Variants in COL5A2 observed in about 807,000 individuals in gnomAD.
COL5A2 encodes the protein collagen type V alpha 2 chain, also known as collagen alpha-2(V) chain.
Under a neutral mutation model 208.2 loss-of-function variants are expected in COL5A2, and 23 were observed. That is an observed-to-expected ratio of 0.11 (90% confidence interval 0.08 to 0.16). The LOEUF is 0.16. COL5A2 is among the 10% of genes least tolerant of loss of function. The pLI is 1.00. For missense variants in COL5A2, 1,590 were observed against 1,956.4 expected (o/e 0.81, Z 3.53); for synonymous variants, 625 against 628.5 (o/e 0.99, Z 0.08).
At chr2:189,440,997 A>C in the COL5A2 span, among the ~76,000 whole-genome samples, 391 of 152,314 alleles carry the variant, frequency 2.6e-3, 1 homozygote, top group African/African-American at 8.2e-3. Context: ...GAGGAACAAA[A>C]AGCTGTACAA....
At chr2:189,180,510 G>A (rs890448059), upstream of COL5A2, among the ~76,000 whole-genome samples, 2 of 152,052 alleles carry the variant, frequency 1.3e-5, no homozygotes, top group African/African-American at 4.8e-5. Context: ...CTCTACCTTT[G>A]GATGAAAAAA....
chr2:189,267,113 T>C, the COL5A2 span, among the ~76,000 whole-genome samples: 3 of 152,114 alleles, frequency 2.0e-5, no homozygotes, highest in Non-Finnish European at 4.4e-5. Context: ...TTTGATTTGA[T>C]AGAGTTATTT....
the COL5A2 span, among the ~76,000 whole-genome samples, chr2:189,326,399 A>T: frequency 6.6e-6 from 1 of 152,128 alleles, no homozygotes; most frequent in Non-Finnish European, 1.5e-5. Context: ...ATATTTAGAC[A>T]AGAAGGTTAT....
At chr2:189,039,918 C>T (rs1685523181) in intron 50 of COL5A2, among the ~76,000 whole-genome samples, 2 of 152,090 alleles carry the variant, frequency 1.3e-5, no homozygotes, top group African/African-American at 4.8e-5. Flanking sequence ...CGTCAAGGTA[C>T]AACCAAAATG....
chr2:189,304,604 C>T, the COL5A2 span, among the ~76,000 whole-genome samples: 18 of 152,256 alleles, frequency 1.2e-4, no homozygotes, highest in African/African-American at 3.4e-4. Flanking sequence ...CATGAGAACT[C>T]ACTCACTGTC....
At chr2:189,369,556 T>C in the COL5A2 span, among the ~76,000 whole-genome samples, 6 of 152,144 alleles carry the variant, frequency 3.9e-5, no homozygotes, top group African/African-American at 1.2e-4. Context: ...TTTTTGAATA[T>C]CTATATATTC....
At chr2:189,409,621 T>C in the COL5A2 span, among the ~76,000 whole-genome samples, 1 of 152,202 alleles carries the variant, frequency 6.6e-6, no homozygotes, top group Admixed American at 6.5e-5. Flanking sequence ...TACTACTTAA[T>C]TTCTTAAAAA....
the COL5A2 span, among the ~76,000 whole-genome samples, chr2:189,356,825 C>G: frequency 6.6e-6 from 1 of 152,112 alleles, no homozygotes; most frequent in Admixed American, 6.5e-5. Flanking sequence ...TTCTGGTTTT[C>G]GGAATTTTCA....
At chr2:189,298,360 A>G in the COL5A2 span, among the ~76,000 whole-genome samples, 1 of 152,132 alleles carries the variant, frequency 6.6e-6, no homozygotes, top group East Asian at 1.9e-4. Flanking sequence ...GTTCCCTTAT[A>G]ACATAATTCT....
intron 1 of COL5A2, among the ~76,000 whole-genome samples, chr2:189,163,045 C>T (rs1387306521): frequency 6.6e-6 from 1 of 151,894 alleles, no homozygotes; most frequent in African/African-American, 2.4e-5. Context: ...CAAGAAGAGG[C>T]AAAAAATAAG....
intron 1 of COL5A2, among the ~76,000 whole-genome samples, chr2:189,138,882 C>A (rs1002589018): frequency 6.6e-6 from 1 of 152,062 alleles, no homozygotes; most frequent in African/African-American, 2.4e-5. Context: ...GAGTCCATAC[C>A]GATGTAAATA....
intron 35 of COL5A2, among the ~76,000 whole-genome samples, chr2:189,054,804 T>C (rs1685868063): frequency 6.6e-6 from 1 of 150,822 alleles, no homozygotes; most frequent in African/African-American, 2.4e-5. Flanking sequence ...ACGCTTGCCC[T>C]GGATCACGTG....
chr2:189,313,456 A>G, the COL5A2 span, among the ~76,000 whole-genome samples: 1 of 152,344 alleles, frequency 6.6e-6, no homozygotes, highest in African/African-American at 2.4e-5. Flanking sequence ...TAAATATGAA[A>G]AGTAAAGACC....
At chr2:189,290,012 G>A in the COL5A2 span, among the ~76,000 whole-genome samples, 34 of 152,038 alleles carry the variant, frequency 2.2e-4, no homozygotes, top group South Asian at 4.1e-4. Flanking sequence ...AAAAGACCTC[G>A]AAAAGCCAAA....
chr2:189,417,396 T>C, the COL5A2 span, among the ~76,000 whole-genome samples: 1 of 151,928 alleles, frequency 6.6e-6, no homozygotes, highest in Non-Finnish European at 1.5e-5. Flanking sequence ...ATAGTGACTG[T>C]GACATGTTTT....
chr2:189,238,459 T>G, the COL5A2 span, among the ~76,000 whole-genome samples: 1 of 152,164 alleles, frequency 6.6e-6, no homozygotes, highest in Non-Finnish European at 1.5e-5. Flanking sequence ...GAATATTTGT[T>G]ATGTATCCCT....
the COL5A2 span, among the ~76,000 whole-genome samples, chr2:189,435,222 C>G: frequency 6.6e-6 from 1 of 152,084 alleles, no homozygotes; most frequent in African/African-American, 2.4e-5. Flanking sequence ...CCATAAAAAC[C>G]CTAGAAGAAA....
intron 1 of COL5A2, among the ~76,000 whole-genome samples, chr2:189,168,805 G>C (rs1182907749): frequency 6.6e-6 from 1 of 152,054 alleles, no homozygotes; most frequent in East Asian, 1.9e-4. Context: ...CAAATTATCT[G>C]GTAAAATTCC....
At chr2:189,429,558 T>C in the COL5A2 span, among the ~76,000 whole-genome samples, 1 of 152,228 alleles carries the variant, frequency 6.6e-6, no homozygotes, top group Non-Finnish European at 1.5e-5. Flanking sequence ...TTGCCCTACT[T>C]AAGAGTCTCA....
Sources: gnomAD v4.1 joint callset for allele counts (sites outside exome capture counted in the v4.1 genomes callset) on GRCh38, gnomAD v4.1.1 for gene constraint, MANE v1.5 for transcripts, NCBI Gene and HGNC (gene_info 2026-07-23, HGNC 2026-07-21) for gene names.